IQGAP2: variants seen among roughly 807,000 people sequenced by gnomAD.
The protein encoded by IQGAP2 is IQ motif containing GTPase activating protein 2, also known as ras GTPase-activating-like protein IQGAP2.
A neutral mutation model predicts 201.3 loss-of-function variants in IQGAP2; 173 were observed. That is an observed-to-expected ratio of 0.86 (90% CI 0.76 to 0.98). The LOEUF (loss-of-function observed/expected upper bound fraction) is 0.98. Ranked by LOEUF, IQGAP2 falls within the 50% of genes least tolerant of loss-of-function variation. The pLI is 0.00. For synonymous variants in IQGAP2, 675 were observed against 673.9 expected, an observed-to-expected ratio of 1.00 and a Z score of -0.03; for missense variants, 1,687 against 1,864.8, an observed-to-expected ratio of 0.90 and a Z score of 1.76.
chr5:76,477,848 T>A (rs1194819717), intron 2 of IQGAP2, among the ~76,000 whole-genome samples: 2 of 149,656 alleles, frequency 1.3e-5, no homozygotes, highest in African/African-American at 5.0e-5. Flanking sequence ...GTTTGTGTCT[T>A]AGTTTATAGC....
chr5:76,426,607 A>T (rs1752013631), intron 1 of IQGAP2, among the ~76,000 whole-genome samples: 1 of 152,202 alleles, frequency 6.6e-6, no homozygotes, highest in Admixed American at 6.5e-5. Flanking sequence ...ATTTCTTATG[A>T]GTCCTGGCTC....
At chr5:76,567,353 CA>C (rs1395865193) in intron 3 of IQGAP2, among the ~76,000 whole-genome samples, 3 of 152,230 alleles carry the variant, frequency 2.0e-5, no homozygotes, top group East Asian at 3.8e-4. Flanking sequence ...GATGCTTAGT[CA>C]GTATGTCTGA....
At position 76,665,015 on chromosome 5, in the gene IQGAP2, A is replaced by T. The variant is rs1743623410; in HGVS notation, c.2530-11A>T. Reference sequence around the variant, plus strand: ...AATTAAAAAGGAGTAATCTCATCAAATTTTTTACAGGATGTAATTTCACAT... The same window carrying T: ...AATTAAAAAGGAGTAATCTCATCAATTTTTTTACAGGATGTAATTTCACAT... On this transcript the variant is annotated splice_polypyrimidine_tract_variant and intron_variant, in intron 21 of 35. Transcript: ENST00000274364. The T allele has an allele frequency of 6.8e-7, 1 of 1,477,478 alleles. No homozygotes were observed. Among genetic ancestry groups the T allele is most frequent in the Non-Finnish European group, 9.4e-7 (1 of 1,061,686 alleles). 91.5% of individuals were successfully genotyped at this position (1,477,478 alleles called of 1,614,324 possible).
rs762553014 is a variant in IQGAP2, at chr5:76,677,290, G to A, written c.3600G>A (p.Leu1200=). 6.2e-7 allele frequency: 1 copy of A among 1,613,476 alleles called. No individual in the cohort carries two copies. Among genetic ancestry groups the A allele is most frequent in the South Asian group, 1.1e-5 (1 of 91,050 alleles). The part of the protein sequence containing the change: ...EKFNMDKYTD[L]VTVSKPVIYI... ...TTAATATGGACAAATACACAGACCT[G>A]GTGACAGTCAGCAAACCAGTCATTT... is the stretch of plus-strand genomic sequence containing the variant. Residue 1200 remains leucine, a synonymous_variant, in exon 28 of 36, where the codon CTG becomes CTA. Coordinates refer to ENST00000274364, the MANE Select transcript of IQGAP2 (RefSeq NM_006633.5).
chr5:76,642,326 A>G (rs973625221), intron 17 of IQGAP2, among the ~76,000 whole-genome samples: 10 of 152,178 alleles, frequency 6.6e-5, no homozygotes, highest in Non-Finnish European at 1.5e-4. Context: ...CCTCTATATT[A>G]GAAACCAGGG....
At chr5:76,693,540 GAC>G in intron 31 of IQGAP2, 98 bp downstream of exon 31, 1 of 806,928 alleles carries the variant, frequency 1.2e-6, no homozygotes, top group Non-Finnish European at 2.0e-6. Flanking sequence ...AACTGTATCT[GAC>G]ATGGTCCGGA....
rs74524483 is a variant in IQGAP2 at position 76,578,040 on chromosome 5, G to A, written c.458+2271G>A. Among the ~76,000 whole-genome samples, 1,005 of 152,262 alleles carry A rather than the reference G, an allele frequency of 6.6e-3. 13 individuals are homozygous for A. The highest frequency in any genetic ancestry group is 0.023 in the African/African-American group (941 of 41,564). ...TTAGCTCTTAGCCCTGACCAAACTT[G>A]TCTCCTATTCCCTGTCATCTTGATT... On this transcript the variant is annotated intron_variant, in intron 5 of 35. Transcript: ENST00000274364.
At chr5:76,503,885 A>G (rs902554032) in intron 2 of IQGAP2, among the ~76,000 whole-genome samples, 9 of 152,104 alleles carry the variant, frequency 5.9e-5, no homozygotes, top group African/African-American at 1.9e-4. Context: ...GAGCCACCGC[A>G]CCTGACCTCA....
intron 14 of IQGAP2, chr5:76,628,779 T>C (rs1160791597): frequency 2.2e-6 from 1 of 453,374 alleles, no homozygotes; most frequent in Admixed American, 2.4e-5. Context: ...CCTGAACTTT[T>C]ATTCCCTAAG....
chr5:76,460,893 T>G (rs1419353011), intron 1 of IQGAP2, among the ~76,000 whole-genome samples: 1 of 140,940 alleles, frequency 7.1e-6, no homozygotes, highest in Non-Finnish European at 1.5e-5. Flanking sequence ...TCCCTGAGAC[T>G]GAGTCTAACT....
Position 76,428,723 on chromosome 5 carries a change from G to A in IQGAP2, c.46+25132G>A, listed in dbSNP as rs543462121. Among the ~76,000 whole-genome samples, 12 of 150,440 alleles carry A rather than the reference G, an allele frequency of 8.0e-5. No homozygotes were observed. The East Asian group carries it at 1.6e-3, about 20-fold the overall frequency. ...GCTGGGATTACAGGACTGAGTCACC[G>A]TGACTACCCTGAATCTTAATCTGTA... On this transcript the variant is annotated intron_variant, in intron 1 of 35. Transcript: ENST00000274364.
intron 13 of IQGAP2, chr5:76,615,794 G>C (rs1208391012): frequency 6.6e-6 from 1 of 152,284 alleles, no homozygotes; most frequent in Admixed American, 6.6e-5. Flanking sequence ...CCCATTAAAA[G>C]CTATGTCTAA....
Position 76,573,056 on chromosome 5 carries a change from G to A in IQGAP2, c.381+2399G>A, listed in dbSNP as rs142831157. Among the ~76,000 whole-genome samples, 885 of 152,308 alleles carry A rather than the reference G, an allele frequency of 5.8e-3. 15 individuals carry two copies. Among genetic ancestry groups the A allele is most frequent in the African/African-American group, 0.02 (850 of 41,560 alleles). The stretch of plus-strand genomic sequence containing the variant: ...TGCTGTTTCCTTCTAGGAACTGGCT[G>A]TAATACATAATTCATATTTCTGGAT... On this transcript the variant is annotated intron_variant, in intron 4 of 35. Coordinates refer to ENST00000274364, the MANE Select transcript of IQGAP2 (RefSeq NM_006633.5).
chr5:76,459,884 C>T (rs1391625523), intron 1 of IQGAP2, among the ~76,000 whole-genome samples: 2 of 152,132 alleles, frequency 1.3e-5, no homozygotes, highest in Non-Finnish European at 2.9e-5. Flanking sequence ...AGTAATCTGC[C>T]TGCCTCGACC....
chr5:76,413,454 C>T (rs1294497100), intron 1 of IQGAP2, among the ~76,000 whole-genome samples: 1 of 152,130 alleles, frequency 6.6e-6, no homozygotes, highest in Non-Finnish European at 1.5e-5. Flanking sequence ...CAGGCGTGGG[C>T]CACCACGCCC....
At chr5:76,552,818 C>G (rs1020698190) in intron 2 of IQGAP2, among the ~76,000 whole-genome samples, 3 of 152,098 alleles carry the variant, frequency 2.0e-5, no homozygotes, top group African/African-American at 7.2e-5. Flanking sequence ...TATCATCTCC[C>G]CCTGAAAGAG....
At chr5:76,644,285 T>C (rs1307296968) in intron 17 of IQGAP2, among the ~76,000 whole-genome samples, 1 of 37,500 alleles carries the variant, frequency 2.7e-5, no homozygotes, top group African/African-American at 6.9e-5. Context: ...GACTGCCATT[T>C]TTGTAAATCC....
At chr5:76,416,609 T>C (rs7702982) in intron 1 of IQGAP2, among the ~76,000 whole-genome samples, 6,302 of 151,282 alleles carry the variant, frequency 0.042, 472 homozygotes, top group African/African-American at 0.14. Flanking sequence ...CTCACTGCAG[T>C]CTCCGCCTCC....
At chr5:76,456,684 C>T (rs1182911191) in intron 1 of IQGAP2, among the ~76,000 whole-genome samples, 1 of 152,144 alleles carries the variant, frequency 6.6e-6, no homozygotes, top group Non-Finnish European at 1.5e-5. Flanking sequence ...CAGTTCCCAA[C>T]TCTTAGAAGA....
Sources: allele counts gnomAD v4.1 joint callset (sites outside exome capture counted in the v4.1 genomes callset), GRCh38; gene constraint gnomAD v4.1.1; transcripts MANE v1.5; gene names NCBI Gene and HGNC (gene_info 2026-07-23, HGNC 2026-07-21).